The following SMURF2 variants were observed in gnomAD, a reference collection of about 807,000 sequenced individuals.
SMURF2 encodes the protein SMAD specific E3 ubiquitin protein ligase 2.
In SMURF2, 48 loss-of-function variants were observed where a neutral mutation model predicts 109.6. That is an observed-to-expected ratio of 0.44 (90% confidence interval 0.35 to 0.56). The LOEUF is 0.56. SMURF2 is among the 20% of genes least tolerant of loss of function. The probability of loss-of-function intolerance (pLI) is 0.01; values close to 1 mark genes in which losing one functional copy is unlikely to be tolerated. For missense variants in SMURF2, 575 were observed against 909.0 expected (o/e 0.63, Z 4.72); for synonymous variants, 288 against 317.1 (o/e 0.91, Z 0.97).
intron 1 of SMURF2, among the ~76,000 whole-genome samples, chr17:64,644,176 T>G (rs1426685368): frequency 6.6e-6 from 1 of 152,012 alleles, no homozygotes; most frequent in Non-Finnish European, 1.5e-5. Flanking sequence ...GGCTAATTTT[T>G]GCAGTTTTTG....
chr17:64,567,677 C>T (rs552036351), intron 10 of SMURF2, among the ~76,000 whole-genome samples: 1 of 152,248 alleles, frequency 6.6e-6, no homozygotes, highest in Admixed American at 6.5e-5. Context: ...TTAAAAAAAT[C>T]TCATAATGTT....
chr17:64,602,940 T>C (rs187401229), intron 2 of SMURF2, among the ~76,000 whole-genome samples: 3 of 150,746 alleles, frequency 2.0e-5, no homozygotes, highest in African/African-American at 7.3e-5. Context: ...AAAAAAAAAA[T>C]TTTTTTTTGT....
rs1194920258 is a variant in SMURF2, at chr17:64,581,394, T to C, written c.570-403A>G. The stretch of plus-strand genomic sequence containing the variant: ...TGTTCCTTGAACTTGCCAAGGTCAT[T>C]CCACCTGAGAGCAGTTGCTCTTCCT... On this transcript the variant is annotated intron_variant, in intron 7 of 18. Coordinates refer to ENST00000262435, the MANE Select transcript of SMURF2 (RefSeq NM_022739.4). This position sits in a 1 kb window ranked among gnomAD's most constrained non-coding sequence, Gnocchi z 4.3. Among the ~76,000 whole-genome samples the C allele has an allele frequency of 4.6e-5, 7 of 152,156 alleles. No individual in the cohort carries two copies. The highest frequency in any genetic ancestry group is 1.7e-4 in the African/African-American group (7 of 41,436).
intron 7 of SMURF2, among the ~76,000 whole-genome samples, chr17:64,582,045 A>T (rs574157409): frequency 6.6e-6 from 1 of 152,272 alleles, no homozygotes; most frequent in African/African-American, 2.4e-5. Context: ...TGGTTAAATG[A>T]GTCAGAAGGA....
chr17:64,597,855 TACC>T (rs1969840910), intron 3 of SMURF2, among the ~76,000 whole-genome samples: 1 of 151,128 alleles, frequency 6.6e-6, no homozygotes, highest in Non-Finnish European at 1.5e-5. Flanking sequence ...CAGATGAAAA[TACC>T]AGAATAAACA....
intron 5 of SMURF2, among the ~76,000 whole-genome samples, chr17:64,590,845 T>C (rs1163045188): frequency 6.6e-6 from 1 of 152,190 alleles, no homozygotes; most frequent in Non-Finnish European, 1.5e-5. Flanking sequence ...TTAGGATACT[T>C]TGAAAGAATT....
chr17:64,551,577 C>T lies in SMURF2; in HGVS notation c.1869+7G>A. ...CACTAGTGATGTTATAATACTAATG[C>T]ACTAACCTCTAACTCCTTCTCATCA... On this transcript the variant is annotated splice_region_variant and intron_variant, in intron 16 of 18. Transcript: ENST00000262435. 6.2e-7 allele frequency: 1 copy of T among 1,613,492 alleles called. No homozygotes were observed.
At chr17:64,575,174 G>A (rs1220120439) in intron 9 of SMURF2, among the ~76,000 whole-genome samples, 1 of 149,236 alleles carries the variant, frequency 6.7e-6, no homozygotes, top group African/African-American at 2.5e-5. Context: ...TTTTTTTAGA[G>A]ATGGGGTCTT....
intron 1 of SMURF2, among the ~76,000 whole-genome samples, chr17:64,629,703 C>A (rs1970312410): frequency 6.6e-6 from 1 of 152,016 alleles, no homozygotes; most frequent in Non-Finnish European, 1.5e-5. Context: ...GGATTAAAAC[C>A]AGAAATAGAT....
chr17:64,588,536 TG>T (rs1315603340), intron 5 of SMURF2, among the ~76,000 whole-genome samples: 1 of 152,198 alleles, frequency 6.6e-6, no homozygotes, highest in Non-Finnish European at 1.5e-5. Flanking sequence ...TAATGTTCAC[TG>T]GAATTAAAGA....
At chr17:64,593,677 G>A in intron 3 of SMURF2, 104 bp from the exon 4 acceptor site, 1 of 970,176 alleles carries the variant, frequency 1.0e-6, no homozygotes, top group Non-Finnish European at 1.4e-6. Context: ...ATATGCTTCA[G>A]AATCTGGCTA....
intron 1 of SMURF2, among the ~76,000 whole-genome samples, chr17:64,639,958 A>G (rs1175255308): frequency 2.0e-5 from 3 of 152,240 alleles, no homozygotes; most frequent in African/African-American, 4.8e-5. Flanking sequence ...AAAGTGTACC[A>G]ATATTGGTTC....
intron 1 of SMURF2, among the ~76,000 whole-genome samples, chr17:64,641,944 T>A (rs1295333298): frequency 6.6e-6 from 1 of 152,090 alleles, no homozygotes; most frequent in African/African-American, 2.4e-5. Context: ...GTAGCTGGAA[T>A]TACAGGTGCA....
chr17:64,588,873 T>C (rs147258156), intron 5 of SMURF2, among the ~76,000 whole-genome samples: 4,220 of 152,246 alleles, frequency 0.028, 194 homozygotes, highest in African/African-American at 0.096. Flanking sequence ...TCCACCCACC[T>C]TGGCCTCCCA....
At chr17:64,553,831 C>T (rs1435130572) in intron 15 of SMURF2, among the ~76,000 whole-genome samples, 1 of 152,106 alleles carries the variant, frequency 6.6e-6, no homozygotes, top group Non-Finnish European at 1.5e-5. Flanking sequence ...AAAAGCTATG[C>T]CAGTGTTCAC....
At chr17:64,576,589 G>A (rs368542399) in intron 9 of SMURF2, among the ~76,000 whole-genome samples, 2 of 150,894 alleles carry the variant, frequency 1.3e-5, no homozygotes, top group South Asian at 2.1e-4. Flanking sequence ...ACTTGAACCC[G>A]GGAGGCGGAG....
At chr17:64,573,154 AGGAGGAGGG>A (rs1969427740) in intron 9 of SMURF2, 2 of 25,192 alleles carry the variant, frequency 7.9e-5, no homozygotes, top group African/African-American at 3.9e-4. Flanking sequence ...GAGGAGGAGG[AGGAGGAGGG>A]GGAGGAGGAG....
chr17:64,554,872 T>A lies in SMURF2; in HGVS notation c.1732A>T (p.Lys578Ter). The A allele has an allele frequency of 6.2e-7, 1 of 1,613,698 alleles. No individual in the cohort carries two copies. The highest frequency in any genetic ancestry group is 8.5e-7 in the Non-Finnish European group (1 of 1,179,788). ...AGTGTTTACCTGACATATTCTTTTT[T>A]ATTTTCTTCATTAACAGGGATACTT... ...GKSIPVNEENKKEYVRLYVNW... is the reference protein window; with the variant it reads ...GKSIPVNEEN The change falls in exon 15 of 19, where the codon AAA becomes TAA. Residue 578 changes from lysine to a stop codon, truncating the protein, a stop_gained. Transcript: ENST00000262435. LOFTEE classifies it high-confidence loss of function.
At chr17:64,657,328 T>C (rs1206790783) in intron 1 of SMURF2, among the ~76,000 whole-genome samples, 1 of 152,072 alleles carries the variant, frequency 6.6e-6, no homozygotes. Context: ...GAATAAAACA[T>C]TAAGTTCTAC....
Sources: allele counts gnomAD v4.1 joint callset (sites outside exome capture counted in the v4.1 genomes callset), GRCh38; gene constraint gnomAD v4.1.1; non-coding constraint Gnocchi (gnomAD v3.1); transcripts MANE v1.5; gene names NCBI Gene and HGNC (gene_info 2026-07-23, HGNC 2026-07-21).